The following ARMC9 variants were observed in gnomAD, a reference collection of about 807,000 sequenced individuals.
ARMC9 encodes armadillo repeat containing 9.
A neutral mutation model predicts 107.0 loss-of-function variants in ARMC9; 94 were observed. That is an observed-to-expected ratio of 0.88 (90% CI 0.74 to 1.04). The LOEUF is 1.04. Ranked by LOEUF, ARMC9 falls within the 50% of genes least tolerant of loss-of-function variation. The pLI is 0.00. For synonymous variants in ARMC9, 380 were observed against 396.9 expected, an observed-to-expected ratio of 0.96 and a Z score of 0.51; for missense variants, 942 against 1,030.1, an observed-to-expected ratio of 0.91 and a Z score of 1.17.
At chr2:231,284,303 T>C (rs1247063687) in intron 17 of ARMC9, among the ~76,000 whole-genome samples, 1 of 152,220 alleles carries the variant, frequency 6.6e-6, no homozygotes, top group Non-Finnish European at 1.5e-5. Context: ...ACTTACTCTA[T>C]GATATTTATA....
chr2:231,331,727 G>C, intron 19 of ARMC9, 66 bp from the exon 20 acceptor site: 2 of 1,392,260 alleles, frequency 1.4e-6, no homozygotes, highest in Non-Finnish European at 2.0e-6. Context: ...ACACATTCTG[G>C]GGAGCCACGC....
At chr2:231,317,541 A>T (rs1448551189) in intron 19 of ARMC9, among the ~76,000 whole-genome samples, 11 of 149,266 alleles carry the variant, frequency 7.4e-5, no homozygotes, top group African/African-American at 2.2e-4. Flanking sequence ...TTTTTTTTTT[A>T]AACCAAATTT....
At chr2:231,258,645 T>C (rs901513450) in intron 10 of ARMC9, among the ~76,000 whole-genome samples, 3 of 152,164 alleles carry the variant, frequency 2.0e-5, no homozygotes, top group Non-Finnish European at 4.4e-5. Context: ...TAAACAGAAC[T>C]TCAGTGGAAA....
chr2:231,356,271 A>T (rs2045341311), intron 22 of ARMC9, among the ~76,000 whole-genome samples: 1 of 151,844 alleles, frequency 6.6e-6, no homozygotes, highest in Non-Finnish European at 1.5e-5. Flanking sequence ...GATAGCTCAG[A>T]TTCTGGTGCA....
At chr2:231,272,816 CA>C in intron 13 of ARMC9, 138 bp from the exon 14 acceptor site, 1 of 1,146,780 alleles carries the variant, frequency 8.7e-7, no homozygotes, top group Non-Finnish European at 1.2e-6. Flanking sequence ...GCGCCCTGCC[CA>C]GTAAGTTTTT....
chr2:231,369,121 A>C (rs549024145), intron 23 of ARMC9, among the ~76,000 whole-genome samples: 30 of 152,248 alleles, frequency 2.0e-4, no homozygotes, highest in African/African-American at 7.0e-4. Flanking sequence ...TTTTACAGGC[A>C]GGGAAACTGA....
intron 5 of ARMC9, among the ~76,000 whole-genome samples, chr2:231,218,709 G>A (rs888400223): frequency 6.6e-6 from 1 of 151,442 alleles, no homozygotes; most frequent in Admixed American, 6.6e-5. Context: ...TTCTTTTAAT[G>A]GTAATCACAG....
At chr2:231,339,776 A>T (rs2044382018) in intron 20 of ARMC9, among the ~76,000 whole-genome samples, 1 of 152,242 alleles carries the variant, frequency 6.6e-6, no homozygotes, top group South Asian at 2.1e-4. Context: ...TACTTAAAAT[A>T]CAAAAATTAT....
intron 1 of ARMC9, among the ~76,000 whole-genome samples, chr2:231,201,926 T>G (rs1229717959): frequency 6.9e-6 from 1 of 145,302 alleles, no homozygotes; most frequent in Non-Finnish European, 1.5e-5. Context: ...CCACCCTCCC[T>G]TCCGTTCCCA....
At chr2:231,322,495 A>G (rs1293786794) in intron 19 of ARMC9, among the ~76,000 whole-genome samples, 1 of 152,250 alleles carries the variant, frequency 6.6e-6, no homozygotes, top group South Asian at 2.1e-4. Context: ...TCTGCTCTGC[A>G]TTCTATCTGT....
chr2:231,283,215 T>A (rs1007047078), intron 17 of ARMC9, among the ~76,000 whole-genome samples: 5 of 152,056 alleles, frequency 3.3e-5, no homozygotes, highest in African/African-American at 1.2e-4. Flanking sequence ...CAACATCAGG[T>A]CTGACAGATA....
chr2:231,284,368 C>T (rs1436461082), intron 17 of ARMC9, among the ~76,000 whole-genome samples: 1 of 152,214 alleles, frequency 6.6e-6, no homozygotes. Flanking sequence ...TATCACTAAG[C>T]TACCAATGAC....
chr2:231,226,032 T>C lies in ARMC9; in HGVS notation c.598-742T>C, dbSNP rs183915715. Among the ~76,000 whole-genome samples, 216 of 152,256 alleles carry C rather than the reference T, an allele frequency of 1.4e-3. 1 individual carries two copies. Among genetic ancestry groups the C allele is most frequent in the African/African-American group, 4.8e-3 (199 of 41,554 alleles). ...CTACCAAACCTGGCTGATTTTTGCA[T>C]TTTTAGCAGAGACAGGGTTTTGCCA... On this transcript the variant is annotated intron_variant, in intron 6 of 24. Coordinates refer to ENST00000611582, the MANE Select transcript of ARMC9 (RefSeq NM_001352754.2).
intron 21 of ARMC9, among the ~76,000 whole-genome samples, chr2:231,346,514 C>CT (rs756415269): frequency 4.5e-4 from 68 of 152,266 alleles, no homozygotes; most frequent in Non-Finnish European, 1.5e-4. Context: ...GAGTGACACT[C>CT]TATCTCAAAA....
rs576935988 is a variant in ARMC9, at chr2:231,236,245, C to A, written c.780+864C>A. Among the ~76,000 whole-genome samples the A allele has an allele frequency of 2.0e-5, 3 of 152,286 alleles. No individual in the cohort carries two copies. The South Asian group carries it at 6.2e-4, about 32-fold the overall frequency. ...AGCTACCTTTCTGAATCCCATTAAT[C>A]TTGGGTTTTTTGATTTATTCTTCTG... On this transcript the variant is annotated intron_variant, in intron 8 of 24. Coordinates refer to ENST00000611582, the MANE Select transcript of ARMC9 (RefSeq NM_001352754.2).
At chr2:231,245,167 G>A (rs2036641598) in intron 9 of ARMC9, among the ~76,000 whole-genome samples, 2 of 152,178 alleles carry the variant, frequency 1.3e-5, no homozygotes, top group African/African-American at 4.8e-5. Flanking sequence ...GCGTATTGCT[G>A]CTCCCACCCA....
chr2:231,287,427 T>C (rs2040673245), intron 17 of ARMC9, among the ~76,000 whole-genome samples: 1 of 152,170 alleles, frequency 6.6e-6, no homozygotes, highest in Non-Finnish European at 1.5e-5. Context: ...ATTAACAGTG[T>C]AGAGAACCTG....
intron 19 of ARMC9, among the ~76,000 whole-genome samples, chr2:231,309,559 CA>C (rs2042220639): frequency 1.3e-5 from 2 of 151,974 alleles, no homozygotes; most frequent in Admixed American, 1.3e-4. Flanking sequence ...ACTTGGTATT[CA>C]AAGATGAAAT....
intron 14 of ARMC9, among the ~76,000 whole-genome samples, chr2:231,273,319 G>T (rs1368457239): frequency 6.6e-6 from 1 of 152,214 alleles, no homozygotes; most frequent in Non-Finnish European, 1.5e-5. Flanking sequence ...ATTATCGAGT[G>T]CCAGCCATGC....
Sources: gnomAD v4.1 joint callset for allele counts (sites outside exome capture counted in the v4.1 genomes callset) on GRCh38, gnomAD v4.1.1 for gene constraint, MANE v1.5 for transcripts, NCBI Gene and HGNC (gene_info 2026-07-23, HGNC 2026-07-21) for gene names.